PEX13: variants seen among roughly 807,000 people sequenced by gnomAD.
PEX13 encodes peroxisome biogenesis factor 13.
Under a neutral mutation model 34.5 loss-of-function variants are expected in PEX13, and 28 were observed. The ratio of observed to expected loss-of-function variants is 0.81; its 90% confidence interval spans 0.60 to 1.11. The LOEUF (loss-of-function observed/expected upper bound fraction) is 1.11, where lower values mean the gene tolerates loss of function less well. PEX13 is among the 50% of genes most tolerant of loss of function. The pLI, the probability that PEX13 is intolerant of heterozygous loss-of-function variation, is 0.00. For missense variants in PEX13, 550 were observed against 491.0 expected, an observed-to-expected ratio of 1.12 and a Z score of -1.13; for synonymous variants, 177 against 175.1, an observed-to-expected ratio of 1.01 and a Z score of -0.09.
chr2:61,032,239 C>A, intron 2 of PEX13, 126 bp downstream of exon 2: 1 of 745,556 alleles, frequency 1.3e-6, no homozygotes, highest in South Asian at 1.7e-5. Context: ...CAGTTAAGAG[C>A]TTCAAAACTG....
intron 1 of PEX13, among the ~76,000 whole-genome samples, chr2:61,019,929 A>G (rs770462169): frequency 1.3e-5 from 2 of 152,192 alleles, no homozygotes; most frequent in African/African-American, 4.8e-5. Context: ...TGTATAAGCT[A>G]CAATTGGTGG....
At chr2:61,020,979 T>C (rs934766896) in intron 1 of PEX13, among the ~76,000 whole-genome samples, 5 of 152,290 alleles carry the variant, frequency 3.3e-5, no homozygotes, top group Admixed American at 1.3e-4. Context: ...ATTTTTATTG[T>C]GAAGAAATAT....
intron 1 of PEX13, among the ~76,000 whole-genome samples, chr2:61,029,093 T>A (rs767541007): frequency 4.1e-5 from 6 of 147,134 alleles, no homozygotes; most frequent in Non-Finnish European, 5.9e-5. Flanking sequence ...GAGCTGTGTT[T>A]GCGCTTCTGC....
intron 1 of PEX13, among the ~76,000 whole-genome samples, chr2:61,029,700 A>G (rs1680418636): frequency 1.3e-5 from 2 of 152,156 alleles, no homozygotes; most frequent in South Asian, 4.1e-4. Flanking sequence ...TTATCCTGAC[A>G]TTTTGGGAGG....
intron 2 of PEX13, among the ~76,000 whole-genome samples, chr2:61,035,564 A>G (rs1006535538): frequency 5.3e-5 from 8 of 152,218 alleles, no homozygotes; most frequent in Admixed American, 5.2e-4. Context: ...CAAGGAAGCT[A>G]AAAACCTTGA....
chr2:61,046,252 G>C (rs750227242), intron 3 of PEX13, among the ~76,000 whole-genome samples: 1 of 152,132 alleles, frequency 6.6e-6, no homozygotes, highest in African/African-American at 2.4e-5. Flanking sequence ...TATTACTTCA[G>C]CAGTGTTTAC....
chr2:61,047,654 G>A (rs1680725495), intron 3 of PEX13, among the ~76,000 whole-genome samples: 1 of 152,072 alleles, frequency 6.6e-6, no homozygotes, highest in African/African-American at 2.4e-5. Context: ...CTTAACACTA[G>A]CTTGCTTCTT....
chr2:61,040,145 T>C (rs974856208), intron 2 of PEX13, among the ~76,000 whole-genome samples: 2 of 152,180 alleles, frequency 1.3e-5, no homozygotes, highest in African/African-American at 4.8e-5. Context: ...GGTGGGAGTG[T>C]AAATTAGTTC....
At chr2:61,018,153 C>G (rs1175610326) in intron 1 of PEX13, 3 of 1,550,574 alleles carry the variant, frequency 1.9e-6, no homozygotes, top group African/African-American at 2.7e-5. Context: ...TCTGTTTTCA[C>G]TTTGACAGAA....
In PEX13 at chr2:61,032,066, C is replaced by T; in HGVS notation, c.740C>T (p.Pro247Leu). ...FLFFAVILGG[P>L]YLIWKLLSTH... ...TTCTTTGCTGTTATCCTTGGTGGTC[C>T]TTACCTCATTTGGAAACTATTGTCT... The change falls in exon 2 of 4, where the codon CCT becomes CTT. Residue 247 changes from proline to leucine, a missense_variant. Coordinates refer to ENST00000295030, the MANE Select transcript of PEX13 (RefSeq NM_002618.4). 1 of 1,613,678 alleles carries T rather than the reference C, an allele frequency of 6.2e-7. No homozygotes were observed. Among genetic ancestry groups the T allele is most frequent in the Non-Finnish European group, 8.5e-7 (1 of 1,179,850 alleles).
At chr2:61,039,451 C>T (rs1219988904) in intron 2 of PEX13, among the ~76,000 whole-genome samples, 3 of 152,010 alleles carry the variant, frequency 2.0e-5, no homozygotes, top group African/African-American at 4.8e-5. Context: ...CATCTACAAC[C>T]ATCTGATCTT....
intron 2 of PEX13, among the ~76,000 whole-genome samples, chr2:61,037,348 A>G (rs1680553073): frequency 6.6e-6 from 1 of 152,218 alleles, no homozygotes; most frequent in African/African-American, 2.4e-5. Flanking sequence ...CACATATTCT[A>G]AAATTGACCA....
At chr2:61,027,587 A>T (rs1043070246) in intron 1 of PEX13, among the ~76,000 whole-genome samples, 17 of 152,130 alleles carry the variant, frequency 1.1e-4, no homozygotes, top group African/African-American at 3.9e-4. Context: ...TTCCATTTTA[A>T]TGGAGCACTT....
rs1296705321 is a variant in PEX13 at position 61,017,749 on chromosome 2, A to C, written c.-11A>C. ...AGGGGTAGGAGCGGGAGCCGAGAGG[A>C]GGCGGAGGAGATGGCGTCCCAGCCG... is the stretch of plus-strand genomic sequence containing the variant. On this transcript the variant is annotated 5_prime_UTR_variant, in exon 1 of 4. Coordinates refer to ENST00000295030, the MANE Select transcript of PEX13 (RefSeq NM_002618.4). 4 of 1,548,070 alleles carry C rather than the reference A, an allele frequency of 2.6e-6. No homozygotes were observed. Among genetic ancestry groups the C allele is most frequent in the South Asian group, 1.2e-5 (1 of 83,850 alleles).
intron 2 of PEX13, among the ~76,000 whole-genome samples, chr2:61,044,666 G>A (rs1014060284): frequency 6.6e-6 from 1 of 152,220 alleles, no homozygotes; most frequent in African/African-American, 2.4e-5. Flanking sequence ...GATTACAGGT[G>A]TGAACCACCA....
chr2:61,021,763 C>T (rs1466386424), intron 1 of PEX13, among the ~76,000 whole-genome samples: 1 of 152,198 alleles, frequency 6.6e-6, no homozygotes, highest in East Asian at 1.9e-4. Flanking sequence ...AAACACCTCC[C>T]AGTAGGGGCT....
intron 2 of PEX13, among the ~76,000 whole-genome samples, chr2:61,042,658 G>A (rs535932004): frequency 3.3e-5 from 5 of 151,900 alleles, no homozygotes; most frequent in South Asian, 2.1e-4. Context: ...CAGAATTTCC[G>A]CATCAAAATA....
intron 3 of PEX13, among the ~76,000 whole-genome samples, chr2:61,047,574 G>T (rs1265477159): frequency 6.6e-6 from 1 of 152,206 alleles, no homozygotes; most frequent in Non-Finnish European, 1.5e-5. Flanking sequence ...TAGAGGTCAT[G>T]TGGTTTCTTT....
Position 61,031,834 on chromosome 2 carries a change from C to G in PEX13, c.508C>G (p.Arg170Gly). The change falls in exon 2 of 4, where the codon CGA (arginine) becomes GGA (glycine). Residue 170 changes from arginine to glycine, a missense_variant. Coordinates refer to ENST00000295030, the MANE Select transcript of PEX13 (RefSeq NM_002618.4). Reference protein sequence around the residue: ...AVLDVANHFSRLKIHFTKVFS... With the variant: ...AVLDVANHFSGLKIHFTKVFS... ...ATTGGATGTAGCAAATCACTTTTCC[C>G]GATTGAAAATACACTTTACAAAAGT... The G allele has an allele frequency of 1.2e-6, 2 of 1,613,218 alleles. No individual in the cohort carries two copies. The highest frequency in any genetic ancestry group is 1.7e-6 in the Non-Finnish European group (2 of 1,179,194).
Sources: gnomAD v4.1 joint callset for allele counts (sites outside exome capture counted in the v4.1 genomes callset) on GRCh38, gnomAD v4.1.1 for gene constraint, MANE v1.5 for transcripts, NCBI Gene and HGNC (gene_info 2026-07-23, HGNC 2026-07-21) for gene names.